Variants in PORCN observed in about 807,000 individuals in gnomAD.
PORCN encodes porcupine O-acyltransferase.
Under a neutral mutation model 43.0 loss-of-function variants are expected in PORCN, and 1 was observed. That is an observed-to-expected ratio of 0.02 (90% CI 0.01 to 0.11). The LOEUF (loss-of-function observed/expected upper bound fraction) is 0.11, where lower values mean the gene tolerates loss of function less well. Among genes scored for constraint, PORCN ranks in the 10% least tolerant of loss-of-function variants. The probability of loss-of-function intolerance (pLI) is 1.00; values close to 1 mark genes in which losing one functional copy is unlikely to be tolerated. For missense variants in PORCN, 240 were observed against 392.1 expected (o/e 0.61, Z 3.28); for synonymous variants, 148 against 166.4 (o/e 0.89, Z 0.85).
At chrX:48,512,166 C>T (rs1250558648) in intron 4 of PORCN, 160 bp from the exon 5 acceptor site, 2 of 591,306 alleles carry the variant, frequency 3.4e-6, no homozygotes, top group Non-Finnish European at 5.6e-6. Context: ...GTAAGGGCAT[C>T]TATCTGTCCT....
Position 48,516,145 on chromosome X carries a change from T to G in PORCN, c.1172T>G (p.Leu391Trp). Reference protein sequence around the residue: ...CPPDCSHQHRLGLGVRALNLL... With the variant: ...CPPDCSHQHRWGLGVRALNLL... ...CCAGACTGTTCGCACCAGCATCGCT[T>G]GGTGAGGGTTCAGCCTGGGCAACCT... Residue 391 changes from leucine (L) to tryptophan (W), a missense_variant and splice_region_variant, in exon 13 of 15, where the codon TTG becomes TGG. Leu to Trp is a moderately conservative substitution (Grantham distance 61). Transcript: ENST00000326194. 4 of 1,209,358 alleles carry G rather than the reference T, an allele frequency of 3.3e-6. No individual in the cohort carries two copies. The highest frequency in any genetic ancestry group is 4.5e-6 in the Non-Finnish European group (4 of 893,483).
intron 2 of PORCN, among the ~76,000 whole-genome samples, chrX:48,510,743 GTCTA>G (rs56109458): frequency 0.41 from 44,571 of 108,632 alleles, 7,649 homozygotes; most frequent in African/African-American, 0.6. Context: ...GGCTCTATCT[GTCTA>G]TCTATCTATC....
intron 14 of PORCN, 134 bp downstream of exon 14, chrX:48,517,427 T>C (rs1160308917): frequency 2.1e-6 from 1 of 484,476 alleles, no homozygotes; most frequent in African/African-American, 2.4e-5. Flanking sequence ...CAGCCAGTGC[T>C]CCTCGGTCCT....
chrX:48,511,933 G>A lies in PORCN; in HGVS notation c.371G>A (p.Arg124Gln). The A allele has an allele frequency of 1.7e-6, 2 of 1,206,396 alleles. No homozygotes were observed. The highest frequency in any genetic ancestry group is 2.2e-6 in the Non-Finnish European group (2 of 891,522). The change falls in exon 4 of 15, where the codon CGA becomes CAA. Residue 124 changes from arginine (R) to glutamine (Q), a missense_variant and splice_region_variant. By Grantham distance (43) the Arg-to-Gln change is conservative. Transcript: ENST00000326194. Reference protein sequence around the residue: ...MVDTVTWHKMRGAQMIVAMKA... With the variant: ...MVDTVTWHKMQGAQMIVAMKA... ...GACACCGTGACATGGCACAAGATGC[G>A]AGGTAGGTAGCCCTGCCCCTCTCAC...
At chrX:48,514,696 C>A in intron 10 of PORCN, 71 bp downstream of exon 10, 1 of 877,740 alleles carries the variant, frequency 1.1e-6, no homozygotes, top group Non-Finnish European at 1.7e-6. Context: ...ACAACATTTA[C>A]TGAGCACCTT....
rs1266756511 is a variant in PORCN, at chrX:48,509,975, G to A, written c.136+19G>A. 2.6e-5 allele frequency: 30 copies of A among 1,150,871 alleles called. No homozygotes were observed. The highest frequency in any genetic ancestry group is 3.2e-5 in the Non-Finnish European group (27 of 843,209). 94.8% of individuals were successfully genotyped at this position (1,150,871 alleles called of 1,213,427 possible). A position where few individuals can be genotyped will look rare whatever the true frequency, so the allele number is the denominator to read the frequency against. On this transcript the variant is annotated intron_variant, in intron 2 of 14. Transcript: ENST00000326194. ...AGGCTCGGTAAGTGCCTGCCATACCGTGTGCCACCATGCCAGGCCATATCA... is the reference window on the plus strand; with the variant it reads ...AGGCTCGGTAAGTGCCTGCCATACCATGTGCCACCATGCCAGGCCATATCA...
chrX:48,509,368 A>G, intron 1 of PORCN: 2 of 338,295 alleles, frequency 5.9e-6, no homozygotes, highest in Non-Finnish European at 9.5e-6. Context: ...CCATACAAGG[A>G]GAGATGCACA....
At position 48,511,411 on chromosome X, in the gene PORCN, G is replaced by A. The variant is rs781965191; in HGVS notation, c.253G>A (p.Val85Met). 3 of 1,211,178 alleles carry A rather than the reference G, an allele frequency of 2.5e-6. No individual in the cohort carries two copies. Among genetic ancestry groups the A allele is most frequent in the Non-Finnish European group, 3.4e-6 (3 of 895,173 alleles). Residue 85 changes from valine to methionine, a missense_variant, in exon 3 of 15, where the codon GTG (valine) becomes ATG (methionine). By Grantham distance (21) the Val-to-Met change is conservative (BLOSUM62 1). Coordinates refer to ENST00000326194, the MANE Select transcript of PORCN (RefSeq NM_203475.3). ...GCTGCTCAGCCTCCTGTGCTACCTC[G>A]TGCTGTTCCTCTGCCGACATTCCTC... is the stretch of plus-strand genomic sequence containing the variant. ...VVLLSLLCYL[V>M]LFLCRHSSHR...
rs2061699106 is a variant in PORCN at position 48,514,352 on chromosome X, G to A, written c.832G>A (p.Asp278Asn). The change falls in exon 9 of 15, where the codon GAT (aspartate) becomes AAT (asparagine). Residue 278 changes from aspartate to asparagine, a missense_variant. Asp to Asn is a conservative substitution (Grantham distance 23). Coordinates refer to ENST00000326194, the MANE Select transcript of PORCN (RefSeq NM_203475.3). Reference sequence around the variant, plus strand: ...GGGGGCTGGCTTTACCGAGGAGAAGGATCACCTGGAATGGTGGGGGGGCTT... The same window carrying A: ...GGGGGCTGGCTTTACCGAGGAGAAGAATCACCTGGAATGGTGGGGGGGCTT... Reference protein sequence around the residue: ...LAGAGFTEEKDHLEWDLTVSK... With the variant: ...LAGAGFTEEKNHLEWDLTVSK... 8.3e-7 allele frequency: 1 copy of A among 1,209,563 alleles called. No homozygotes were observed. The highest frequency in any genetic ancestry group is 2.2e-5 in the Admixed American group (1 of 45,777).
At chrX:48,510,585 T>A (rs781870511) in intron 2 of PORCN, among the ~76,000 whole-genome samples, 4 of 112,182 alleles carry the variant, frequency 3.6e-5, no homozygotes, top group African/African-American at 1.3e-4. Flanking sequence ...TTTCTTTCTT[T>A]CTTTTTTAAT....
chrX:48,511,679 C>G (rs1223346710), intron 3 of PORCN, among the ~76,000 whole-genome samples, 192 bp downstream of exon 3: 4 of 111,356 alleles, frequency 3.6e-5, no homozygotes, highest in African/African-American at 1.3e-4. Flanking sequence ...AGAAGGGAAT[C>G]TGGGAGATTT....
chrX:48,514,229 T>C lies in PORCN; in HGVS notation c.720-11T>C. 8.3e-7 allele frequency: 1 copy of C among 1,212,011 alleles called. No homozygotes were observed. Among genetic ancestry groups the C allele is most frequent in the Non-Finnish European group, 1.1e-6 (1 of 895,541 alleles). On this transcript the variant is annotated splice_polypyrimidine_tract_variant and intron_variant, in intron 8 of 14. Coordinates refer to ENST00000326194, the MANE Select transcript of PORCN (RefSeq NM_203475.3). ...ACGTGATGCCTCTCACCCCTGCCCC[T>C]TTCTCCCCAGGTGGCTGCGAGCCTA...
rs868950224 is a variant in PORCN, at chrX:48,512,499, C to T, written c.547C>T (p.Arg183Cys). ...CAGCTACCTACAAGCTGTCCAAGGC[C>T]GCCCACTGGTGAGGTCCTGAGTGGA... ...FHSYLQAVQG[R>C]PLSCRWLQKV... Residue 183 changes from arginine to cysteine, a missense_variant, in exon 5 of 15, where the codon CGC (arginine) becomes TGC (cysteine). Coordinates refer to ENST00000326194, the MANE Select transcript of PORCN (RefSeq NM_203475.3). 5 of 1,204,724 alleles carry T rather than the reference C, an allele frequency of 4.2e-6. No individual in the cohort carries two copies. Among genetic ancestry groups the T allele is most frequent in the Non-Finnish European group, 5.6e-6 (5 of 892,401 alleles).
intron 2 of PORCN, among the ~76,000 whole-genome samples, 153 bp downstream of exon 2, chrX:48,510,109 C>G (rs2061663340): frequency 9.0e-6 from 1 of 110,908 alleles, no homozygotes; most frequent in Non-Finnish European, 1.9e-5. Flanking sequence ...CACATCCCAC[C>G]AGGCCAAACC....
intron 3 of PORCN, 141 bp downstream of exon 3, chrX:48,511,628 A>G (rs1017583872): frequency 1.6e-6 from 1 of 617,621 alleles, no homozygotes; most frequent in South Asian, 2.3e-5. Flanking sequence ...TCATTTGCCT[A>G]TGAGGAGACA....
chrX:48,516,791 C>A (rs1556975459), intron 13 of PORCN, among the ~76,000 whole-genome samples: 1 of 110,737 alleles, frequency 9.0e-6, no homozygotes, highest in Admixed American at 9.6e-5. Flanking sequence ...GAGGCATGGG[C>A]CCTCTAGATC....
intron 14 of PORCN, 123 bp from the exon 15 acceptor site, chrX:48,520,252 C>T (rs1472356166): frequency 7.5e-6 from 4 of 536,627 alleles, no homozygotes; most frequent in South Asian, 2.4e-5. Context: ...TCATATGTAC[C>T]TAGGCCCTTC....
intron 14 of PORCN, among the ~76,000 whole-genome samples, chrX:48,520,116 T>G (rs2061748964): frequency 1.8e-5 from 2 of 112,596 alleles, no homozygotes; most frequent in Non-Finnish European, 3.8e-5. Flanking sequence ...TGGCAATTTT[T>G]CTTTCCAAAA....
rs781963812 is a variant in PORCN at position 48,520,676 on chromosome X, G to A, written c.*200G>A. 2.1e-6 allele frequency: 1 copy of A among 467,767 alleles called. No individual in the cohort carries two copies. The highest frequency in any genetic ancestry group is 3.9e-6 in the Non-Finnish European group (1 of 259,572). 38.5% of individuals were successfully genotyped at this position (467,767 alleles called of 1,213,427 possible). On this transcript the variant is annotated 3_prime_UTR_variant, in exon 15 of 15. Transcript: ENST00000326194. ...CCCCACCCCACCACAAGGCAGGAAG[G>A]GGGTGGTGCCTGCTGGGGCCTAGAG...
Sources: gnomAD v4.1 joint callset for allele counts (sites outside exome capture counted in the v4.1 genomes callset) on GRCh38, gnomAD v4.1.1 for gene constraint, MANE v1.5 for transcripts, NCBI Gene and HGNC (gene_info 2026-07-23, HGNC 2026-07-21) for gene names.